The following ANK2 variants were observed in gnomAD, a reference collection of about 807,000 sequenced individuals.
The protein encoded by ANK2 is ankyrin-2.
Under a neutral mutation model 360.5 loss-of-function variants are expected in ANK2, and 83 were observed. That is an observed-to-expected ratio of 0.23 (90% CI 0.19 to 0.28). The LOEUF (loss-of-function observed/expected upper bound fraction) is 0.28, where lower values mean the gene tolerates loss of function less well. ANK2 is among the 10% of genes least tolerant of loss of function. The pLI is 1.00. For missense variants in ANK2, 4,201 were observed against 4,795.7 expected (o/e 0.88, Z 3.66); for synonymous variants, 1,740 against 1,759.5 (o/e 0.99, Z 0.28).
At chr4:112,725,421 C>T in the ANK2 span, among the ~76,000 whole-genome samples, 779 of 118,492 alleles carry the variant, frequency 6.6e-3, 11 homozygotes, top group African/African-American at 0.024. Context: ...AGTGCAGTGG[C>T]GCCATCTCGG....
chr4:112,722,929 A>C, the ANK2 span, among the ~76,000 whole-genome samples: 2 of 151,942 alleles, frequency 1.3e-5, no homozygotes, highest in Non-Finnish European at 2.9e-5. Flanking sequence ...ACGCCACTGC[A>C]CTCCAGCCTG....
the ANK2 span, among the ~76,000 whole-genome samples, chr4:112,769,717 T>C: frequency 6.6e-6 from 1 of 152,196 alleles, no homozygotes; most frequent in South Asian, 2.1e-4. Context: ...GGCACTTAAA[T>C]TGGTGGATTA....
At chr4:113,372,475 A>G in intron 43 of ANK2, 2 of 1,069,966 alleles carry the variant, frequency 1.9e-6, no homozygotes, top group Non-Finnish European at 2.7e-6. Flanking sequence ...AGAAGAAACC[A>G]GTAGTGAAGT....
intron 18 of ANK2, among the ~76,000 whole-genome samples, chr4:113,285,116 CT>C (rs542895081): frequency 6.4e-4 from 95 of 148,694 alleles, no homozygotes; most frequent in African/African-American, 2.2e-3. Flanking sequence ...TCAACACTTT[CT>C]ATTTTCTTGA....
At chr4:113,169,891 G>A (rs184570964) in intron 1 of ANK2, among the ~76,000 whole-genome samples, 1 of 152,136 alleles carries the variant, frequency 6.6e-6, no homozygotes, top group East Asian at 1.9e-4. Context: ...TTAATACAAT[G>A]AATGGAAATG....
chr4:113,220,078 G>T (rs1175183096), intron 4 of ANK2, among the ~76,000 whole-genome samples: 2 of 152,276 alleles, frequency 1.3e-5, no homozygotes, highest in East Asian at 1.9e-4. Context: ...TACAGTGCCA[G>T]TTTATCCTCA....
the ANK2 span, among the ~76,000 whole-genome samples, chr4:112,728,989 A>C: frequency 6.6e-6 from 1 of 152,062 alleles, no homozygotes; most frequent in Non-Finnish European, 1.5e-5. Flanking sequence ...GTAGGTCTAC[A>C]TCAGCCCAGG....
chr4:113,278,019 T>C, intron 16 of ANK2, 84 bp downstream of exon 16: 1 of 1,321,504 alleles, frequency 7.6e-7, no homozygotes, highest in South Asian at 1.2e-5. Context: ...CTCACTTCTC[T>C]GAAAGGAATG....
intron 2 of ANK2, among the ~76,000 whole-genome samples, chr4:112,944,513 G>A (rs184732558): frequency 1.1e-4 from 16 of 152,194 alleles, no homozygotes; most frequent in Admixed American, 3.3e-4. Flanking sequence ...AAAGATATCC[G>A]TAACTCCAAG....
chr4:113,293,416 C>A (rs771989004), intron 21 of ANK2, 24 bp from the exon 22 acceptor site: 9 of 1,598,156 alleles, frequency 5.6e-6, no homozygotes, highest in Middle Eastern at 1.7e-4. Context: ...ATTTCTCACT[C>A]TCTCTCTTTC....
chr4:112,819,006 C>T (rs2056199495), intron 1 of ANK2, among the ~76,000 whole-genome samples: 1 of 152,024 alleles, frequency 6.6e-6, no homozygotes, highest in Non-Finnish European at 1.5e-5. Context: ...TGTTCTTTGG[C>T]TTGGTTTTTA....
intron 9 of ANK2, among the ~76,000 whole-genome samples, chr4:113,246,482 C>T (rs961308158): frequency 7.9e-5 from 12 of 152,016 alleles, no homozygotes; most frequent in South Asian, 2.1e-4. Context: ...AATGTGAAAA[C>T]GTAAATTTTA....
At chr4:113,045,082 T>C (rs1206060466), upstream of ANK2, among the ~76,000 whole-genome samples, 1 of 152,196 alleles carries the variant, frequency 6.6e-6, no homozygotes, top group Admixed American at 6.6e-5. Flanking sequence ...CAAATGGAGA[T>C]AATCTACCTG....
chr4:112,771,590 C>T, the ANK2 span, among the ~76,000 whole-genome samples: 1 of 147,278 alleles, frequency 6.8e-6, no homozygotes, highest in Admixed American at 6.8e-5. Flanking sequence ...GCTGGGGAAA[C>T]TTTTTTTTTT....
At chr4:113,253,105 A>G (rs2047355720) in intron 10 of ANK2, among the ~76,000 whole-genome samples, 1 of 152,178 alleles carries the variant, frequency 6.6e-6, no homozygotes, top group Admixed American at 6.5e-5. Context: ...CAGTGACATG[A>G]CTTGGAGCCC....
intron 22 of ANK2, among the ~76,000 whole-genome samples, chr4:113,298,485 A>T (rs902196141): frequency 6.6e-6 from 1 of 152,196 alleles, no homozygotes; most frequent in African/African-American, 2.4e-5. Context: ...AAGATCAGTT[A>T]AACACACAGT....
At chr4:112,788,457 C>T in the ANK2 span, 51 of 1,600,982 alleles carry the variant, frequency 3.2e-5, no homozygotes, top group African/African-American at 3.9e-4. Context: ...AAGGTGGTGA[C>T]GGTGTTAACT....
chr4:113,355,285 C>T lies in ANK2; in HGVS notation c.6667C>T (p.Pro2223Ser). 6.2e-7 allele frequency: 1 copy of T among 1,614,000 alleles called. No individual in the cohort carries two copies. The highest frequency in any genetic ancestry group is 8.5e-7 in the Non-Finnish European group (1 of 1,179,958). Residue 2223 changes from proline to serine, a missense_variant, in exon 38 of 46, where the codon CCT becomes TCT. Pro to Ser is a moderately conservative substitution (Grantham distance 74, BLOSUM62 -1). This residue lies in a region of ANK2 where 2,642 missense variants were observed against 2,714.5 expected (regional missense o/e 0.97). Coordinates refer to ENST00000357077, the MANE Select transcript of ANK2 (RefSeq NM_001148.6). ...GTGTGGCAGCCTGATGGAGGGGACC[C>T]CTCAGATTAGTTCAGAAGAAAGCTA... Reference protein sequence around the residue: ...SPCGSLMEGTPQISSEESYKH... With the variant: ...SPCGSLMEGTSQISSEESYKH...
In ANK2 at chr4:113,000,142, C is replaced by T. The variant is rs532141312; in HGVS notation, c.21+95628C>T. 2.6e-5 allele frequency among the ~76,000 whole-genome samples: 4 copies of T among 152,252 alleles called. No homozygotes were observed. In the South Asian group the frequency reaches 6.2e-4, roughly 24 times the overall value. Reference sequence around the variant, plus strand: ...TTAACAAAGAAAAGGGGGGTTGGCTCTGAGGGATGATAAACTGTGGGAAAG... The same window carrying T: ...TTAACAAAGAAAAGGGGGGTTGGCTTTGAGGGATGATAAACTGTGGGAAAG... On this transcript the variant is annotated intron_variant, in intron 2 of 30. Coordinates refer to the ANK2 transcript ENST00000503271.
Sources: allele counts gnomAD v4.1 joint callset (sites outside exome capture counted in the v4.1 genomes callset), GRCh38; gene constraint gnomAD v4.1.1; regional missense constraint gnomAD v4.1.1; transcripts MANE v1.5; gene names NCBI Gene and HGNC (gene_info 2026-07-23, HGNC 2026-07-21).